MGMT: variants seen among roughly 807,000 people sequenced by gnomAD.
MGMT encodes the protein O-6-methylguanine-DNA methyltransferase.
A neutral mutation model predicts 15.9 loss-of-function variants in MGMT; 14 were observed. That is an observed-to-expected ratio of 0.88 (90% CI 0.58 to 1.37). MGMT has a LOEUF of 1.37. Among genes scored for constraint, MGMT ranks in the 40% most tolerant of loss-of-function variants. The pLI, the probability that MGMT is intolerant of heterozygous loss-of-function variation, is 0.00. For missense variants in MGMT, 282 were observed against 268.1 expected, an observed-to-expected ratio of 1.05 and a Z score of -0.36; for synonymous variants, 130 against 118.2, an observed-to-expected ratio of 1.10 and a Z score of -0.65.
At chr10:129,477,496 G>A (rs1845308671) in intron 1 of MGMT, among the ~76,000 whole-genome samples, 1 of 152,204 alleles carries the variant, frequency 6.6e-6, no homozygotes, top group Non-Finnish European at 1.5e-5. Flanking sequence ...AGGAAATTAA[G>A]GCTAACTGAG....
At chr10:129,744,233 C>T (rs775440665) in intron 3 of MGMT, among the ~76,000 whole-genome samples, 1 of 152,164 alleles carries the variant, frequency 6.6e-6, no homozygotes, top group Non-Finnish European at 1.5e-5. Context: ...GCCCAGAGAA[C>T]CCCACTGCTG....
At chr10:129,567,161 C>T (rs911757970) in intron 2 of MGMT, among the ~76,000 whole-genome samples, 27 of 152,208 alleles carry the variant, frequency 1.8e-4, no homozygotes, top group African/African-American at 6.0e-4. Flanking sequence ...CTGCGGACTC[C>T]CACTGCGTTC....
At chr10:129,733,332 G>T (rs1848523333) in intron 3 of MGMT, among the ~76,000 whole-genome samples, 1 of 151,980 alleles carries the variant, frequency 6.6e-6, no homozygotes, top group South Asian at 2.1e-4. Context: ...TTTTTCATGT[G>T]TTTTTTGGCT....
chr10:129,765,414 G>A (rs1848922474), intron 4 of MGMT, among the ~76,000 whole-genome samples: 2 of 152,186 alleles, frequency 1.3e-5, no homozygotes, highest in African/African-American at 4.8e-5. Flanking sequence ...CAGGCTGTGT[G>A]GCCATCCCTG....
At chr10:129,724,348 A>G (rs879247862) in intron 3 of MGMT, among the ~76,000 whole-genome samples, 2 of 152,172 alleles carry the variant, frequency 1.3e-5, no homozygotes, top group African/African-American at 4.8e-5. Context: ...AACAATCTGG[A>G]TAGGGAAAAG....
chr10:129,731,286 G>A (rs908099982), intron 3 of MGMT, among the ~76,000 whole-genome samples: 5 of 150,736 alleles, frequency 3.3e-5, no homozygotes, highest in East Asian at 1.9e-4. Context: ...GATGATTGAC[G>A]ACCCCAAAGA....
chr10:129,641,256 A>T (rs1847325230), intron 2 of MGMT, among the ~76,000 whole-genome samples: 2 of 152,224 alleles, frequency 1.3e-5, no homozygotes, highest in Non-Finnish European at 2.9e-5. Context: ...ATGTCCAATG[A>T]TATTTGCAGG....
intron 2 of MGMT, among the ~76,000 whole-genome samples, chr10:129,625,726 CGTG>C (rs1443341338): frequency 3.0e-4 from 1 of 3,316 alleles, no homozygotes; most frequent in Middle Eastern, 0.5. Context: ...AGTGTGCACA[CGTG>C]TGTGTGCGTG....
At chr10:129,678,758 G>T (rs1021116443) in intron 2 of MGMT, among the ~76,000 whole-genome samples, 2 of 151,964 alleles carry the variant, frequency 1.3e-5, no homozygotes, top group African/African-American at 4.8e-5. Flanking sequence ...TCCAGTGCAT[G>T]TGGTGCTAAG....
chr10:129,520,939 C>A (rs1465756437), intron 1 of MGMT, among the ~76,000 whole-genome samples: 1 of 151,806 alleles, frequency 6.6e-6, no homozygotes, highest in Non-Finnish European at 1.5e-5. Context: ...GGGTACACAG[C>A]CCCTAAGGTG....
At chr10:129,621,936 A>T (rs1847095422) in intron 2 of MGMT, among the ~76,000 whole-genome samples, 1 of 152,222 alleles carries the variant, frequency 6.6e-6, no homozygotes, top group African/African-American at 2.4e-5. Context: ...AGAAGGTAAT[A>T]TAGAGATGAC....
intron 1 of MGMT, among the ~76,000 whole-genome samples, chr10:129,485,529 C>T (rs916815286): frequency 6.6e-6 from 1 of 152,308 alleles, no homozygotes; most frequent in South Asian, 2.1e-4. Flanking sequence ...AATGCTACAG[C>T]ATCTGAAAAT....
chr10:129,532,229 C>T lies in MGMT; in HGVS notation c.-12-4012C>T, dbSNP rs766681586. Reference sequence around the variant, plus strand: ...TGGGGATAGCACCACAGGGCTCAGTCGGGGATATGCCAGAGCTTTAGGGTC... The same window carrying T: ...TGGGGATAGCACCACAGGGCTCAGTTGGGGATATGCCAGAGCTTTAGGGTC... On this transcript the variant is annotated intron_variant, in intron 1 of 4. Coordinates refer to ENST00000651593, the MANE Select transcript of MGMT (RefSeq NM_002412.5). The surrounding 1 kb of genome is among the most constrained non-coding windows in gnomAD (Gnocchi z 5.3). Among the ~76,000 whole-genome samples the T allele has an allele frequency of 1.1e-4, 17 of 152,188 alleles. No individual in the cohort carries two copies. The highest frequency in any genetic ancestry group is 2.1e-4 in the Non-Finnish European group (14 of 68,026).
intron 2 of MGMT, among the ~76,000 whole-genome samples, chr10:129,594,539 C>T (rs905428992): frequency 3.1e-4 from 47 of 152,164 alleles, no homozygotes; most frequent in South Asian, 2.3e-3. Context: ...TCAAATGCCT[C>T]GGTACCTTTC....
At chr10:129,561,156 G>A (rs34630124) in intron 2 of MGMT, among the ~76,000 whole-genome samples, 8,802 of 152,182 alleles carry the variant, frequency 0.058, 355 homozygotes, top group Admixed American at 0.081. Context: ...GTCTTTCACC[G>A]TGATTCTCAC....
chr10:129,524,913 T>A (rs1845852815), intron 1 of MGMT, among the ~76,000 whole-genome samples: 2 of 152,252 alleles, frequency 1.3e-5, no homozygotes, highest in South Asian at 4.1e-4. Context: ...TATAGGCTCA[T>A]CTTGACAGTG....
chr10:129,731,687 C>T (rs971617319), intron 3 of MGMT, among the ~76,000 whole-genome samples: 2 of 152,154 alleles, frequency 1.3e-5, no homozygotes, highest in African/African-American at 4.8e-5. Flanking sequence ...AGCCACCACG[C>T]CCTGCCCTGA....
At chr10:129,666,763 A>G (rs1847663448) in intron 2 of MGMT, among the ~76,000 whole-genome samples, 1 of 152,202 alleles carries the variant, frequency 6.6e-6, no homozygotes, top group Non-Finnish European at 1.5e-5. Flanking sequence ...CAGAACCTAG[A>G]CAACAATGCT....
chr10:129,744,205 CA>C (rs1182446739), intron 3 of MGMT, among the ~76,000 whole-genome samples: 2 of 152,184 alleles, frequency 1.3e-5, no homozygotes, highest in Non-Finnish European at 2.9e-5. Context: ...CGCTGGGACT[CA>C]GTCTGGCTCC....
Sources: allele counts gnomAD v4.1 joint callset (sites outside exome capture counted in the v4.1 genomes callset), GRCh38; gene constraint gnomAD v4.1.1; non-coding constraint Gnocchi (gnomAD v3.1); transcripts MANE v1.5; gene names NCBI Gene and HGNC (gene_info 2026-07-23, HGNC 2026-07-21).